The following CIT variants were observed in gnomAD, a reference collection of about 807,000 sequenced individuals.
CIT encodes citron rho-interacting serine/threonine kinase.
CIT carries 79 observed loss-of-function variants against 272.7 expected under a neutral mutation model. That is an observed-to-expected ratio of 0.29 (90% CI 0.24 to 0.35). CIT has a LOEUF of 0.35. Ranked by LOEUF, CIT falls within the 10% of genes least tolerant of loss-of-function variation. The pLI, the probability that CIT is intolerant of heterozygous loss-of-function variation, is 1.00. For synonymous variants in CIT, 948 were observed against 995.6 expected (o/e 0.95, Z 0.90); for missense variants, 1,909 against 2,618.3 (o/e 0.73, Z 5.91).
In CIT at chr12:119,710,410, C is replaced by A. The variant is rs1593428704; in HGVS notation, c.4936-24G>T. On this transcript the variant is annotated intron_variant, in intron 38 of 47. Transcript: ENST00000392521. The surrounding 1 kb of genome is among the most constrained non-coding windows in gnomAD (Gnocchi z 5.6). ...ACCTGCAAGGGCAGAAGTCCGAAGG[C>A]AGAACATAAGCACGGTCACGTCACC... is the stretch of plus-strand genomic sequence containing the variant. 6.2e-7 allele frequency: 1 copy of A among 1,613,914 alleles called. No individual in the cohort carries two copies. The highest frequency in any genetic ancestry group is 2.2e-5 in the East Asian group (1 of 44,878).
Position 119,726,385 on chromosome 12 carries a change from ATTTTTTTT to A in CIT, c.3591+2109_3591+2116del, listed in dbSNP as rs3999547. Reference sequence around the variant, plus strand: ...AACTGCACACCACCACACTTGGCTAATTTTTTTTTTTTTTTTTTTTTTTTTTTGTAGAG... The same window carrying A: ...AACTGCACACCACCACACTTGGCTAATTTTTTTTTTTTTTTTTTTGTAGAG... On this transcript the variant is annotated intron_variant, in intron 28 of 47. Transcript: ENST00000392521. 2.5e-3 allele frequency among the ~76,000 whole-genome samples: 256 copies of A among 101,442 alleles called. 3 individuals are homozygous for A. Among genetic ancestry groups the A allele is most frequent in the African/African-American group, 0.01 (243 of 23,874 alleles). 66.5% of individuals were successfully genotyped at this position (101,442 alleles called of 152,430 possible).
chr12:119,782,224 TG>T (rs1964361736), intron 13 of CIT: 1 of 213,322 alleles, frequency 4.7e-6, no homozygotes, highest in Non-Finnish European at 9.2e-6. Flanking sequence ...GGACCAGCTT[TG>T]CCCCACAGGC....
intron 46 of CIT, among the ~76,000 whole-genome samples, chr12:119,691,810 C>T (rs1159995919): frequency 2.0e-5 from 3 of 152,148 alleles, no homozygotes; most frequent in Non-Finnish European, 1.5e-5. Flanking sequence ...CTTTCCCACC[C>T]TTGATCAGCT....
chr12:119,767,082 T>G lies in CIT; in HGVS notation c.2304+5A>C. The G allele has an allele frequency of 6.2e-7, 1 of 1,606,064 alleles. No individual in the cohort carries two copies. The highest frequency in any genetic ancestry group is 8.5e-7 in the Non-Finnish European group (1 of 1,175,630). On this transcript the variant is annotated splice_donor_5th_base_variant and intron_variant, in intron 19 of 47. Coordinates refer to ENST00000392521, the MANE Select transcript of CIT (RefSeq NM_001206999.2). Reference sequence around the variant, plus strand: ...AGGCCAGGGAAGATCAGAAAATGTCTTTACTTTAATCTTTTCCTCATAGTG... The same window carrying G: ...AGGCCAGGGAAGATCAGAAAATGTCGTTACTTTAATCTTTTCCTCATAGTG...
chr12:119,858,065 T>C (rs1950223093), intron 3 of CIT, among the ~76,000 whole-genome samples: 1 of 152,218 alleles, frequency 6.6e-6, no homozygotes, highest in South Asian at 2.1e-4. Flanking sequence ...CAGTGTGACA[T>C]AGTCAACATG....
intron 12 of CIT, 115 bp downstream of exon 12, chr12:119,783,793 C>T (rs1186659341): frequency 1.5e-6 from 2 of 1,321,608 alleles, no homozygotes; most frequent in Non-Finnish European, 2.1e-6. Flanking sequence ...CTCTCCCTCT[C>T]TCTACTCTCT....
In CIT at chr12:119,712,343, G is replaced by C; in HGVS notation, c.4689C>G (p.Val1563=). The C allele has an allele frequency of 6.2e-7, 1 of 1,610,200 alleles. No homozygotes were observed. The highest frequency in any genetic ancestry group is 1.1e-5 in the South Asian group (1 of 90,512). The change falls in exon 37 of 48, where the codon GTC becomes GTG. Residue 1563 remains valine (V), a synonymous_variant. Coordinates refer to ENST00000392521, the MANE Select transcript of CIT (RefSeq NM_001206999.2). The surrounding 1 kb of genome is among the most constrained non-coding windows in gnomAD (Gnocchi z 5.2). ...GAGATTCCATCTTCAGTATGTATGG[G>C]ACATCTAGGAGATTTCAGAGAGCAC... ...SELANTAKAD[V]PYILKMESHP... is the part of the protein sequence containing the mutation.
chr12:119,808,457 C>G (rs1397975948), intron 9 of CIT, among the ~76,000 whole-genome samples: 1 of 151,962 alleles, frequency 6.6e-6, no homozygotes, highest in African/African-American at 2.4e-5. Flanking sequence ...ACGCAACATA[C>G]CACTTCAGGA....
Position 119,734,360 on chromosome 12 carries a change from G to A in CIT, c.3157-3C>T. 6.2e-7 allele frequency: 1 copy of A among 1,611,936 alleles called. No homozygotes were observed. The highest frequency in any genetic ancestry group is 8.5e-7 in the Non-Finnish European group (1 of 1,179,720). ...GTGGTCTTCAGAGCCTCCATCGTCTGCAAATCAGTAGCACTGATTTGTGCC... is the reference window on the plus strand; with the variant it reads ...GTGGTCTTCAGAGCCTCCATCGTCTACAAATCAGTAGCACTGATTTGTGCC... On this transcript the variant is annotated splice_region_variant and splice_polypyrimidine_tract_variant and intron_variant, in intron 25 of 47. Transcript: ENST00000392521.
At chr12:119,859,546 G>A (rs1423944417) in intron 3 of CIT, among the ~76,000 whole-genome samples, 3 of 152,086 alleles carry the variant, frequency 2.0e-5, no homozygotes, top group Non-Finnish European at 4.4e-5. Flanking sequence ...GCTGGGCGCA[G>A]TAGCTCACGC....
At chr12:119,827,947 C>G (rs115882177) in intron 7 of CIT, among the ~76,000 whole-genome samples, 197 of 152,292 alleles carry the variant, frequency 1.3e-3, no homozygotes, top group African/African-American at 4.5e-3. Context: ...CAGGAATATT[C>G]AGTTCTCCTT....
chr12:119,833,931 A>C (rs1306958617), intron 6 of CIT, among the ~76,000 whole-genome samples, 155 bp downstream of exon 6: 2 of 152,176 alleles, frequency 1.3e-5, no homozygotes, highest in Non-Finnish European at 2.9e-5. Flanking sequence ...CCATCTTGGA[A>C]AGTTTGCTTT....
chr12:119,723,792 G>A (rs139781535), intron 28 of CIT, among the ~76,000 whole-genome samples: 8 of 152,328 alleles, frequency 5.3e-5, no homozygotes, highest in Admixed American at 2.6e-4. Flanking sequence ...TGATTTAACA[G>A]ACCAGTGGTG....
intron 4 of CIT, among the ~76,000 whole-genome samples, chr12:119,856,580 T>C (rs900040254): frequency 1.3e-5 from 2 of 151,956 alleles, no homozygotes; most frequent in Non-Finnish European, 2.9e-5. Flanking sequence ...TGCATAGCAT[T>C]CTAGTACTCC....
In CIT at chr12:119,869,147, T is replaced by C. The variant is rs200422628; in HGVS notation, c.151A>G (p.Ile51Val). 2 of 1,613,052 alleles carry C rather than the reference T, an allele frequency of 1.2e-6. No individual in the cohort carries two copies. Among genetic ancestry groups the C allele is most frequent in the East Asian group, 2.2e-5 (1 of 44,832 alleles). Residue 51 changes from isoleucine to valine, a missense_variant, in exon 3 of 48, where the codon ATA (isoleucine) becomes GTA (valine). This residue lies in a region of CIT where 529 missense variants were observed against 549.6 expected (regional missense o/e 0.96). Coordinates refer to ENST00000392521, the MANE Select transcript of CIT (RefSeq NM_001206999.2). ...AAGAGAACAAAGAGGGCATCTAATA[T>C]CCCTTCTCGGGAAAGAGGAGACATC... Reference protein sequence around the residue: ...QQMSPLSREGILDALFVLFEE... With the variant: ...QQMSPLSREGVLDALFVLFEE...
chr12:119,707,488 G>A (rs1956941611), intron 40 of CIT, among the ~76,000 whole-genome samples: 1 of 151,986 alleles, frequency 6.6e-6, no homozygotes, highest in Admixed American at 6.6e-5. Flanking sequence ...TGATAAAAAA[G>A]AGACTCGACG....
In CIT at chr12:119,718,287, C is replaced by T; in HGVS notation, c.4126G>A (p.Ala1376Thr). The T allele has an allele frequency of 6.2e-7, 1 of 1,613,822 alleles. No homozygotes were observed. Among genetic ancestry groups the T allele is most frequent in the Non-Finnish European group, 8.5e-7 (1 of 1,179,846 alleles). Reference sequence around the variant, plus strand: ...TCCTTTCTGCGGCTGGATGGCGGGGCCAGCAGGCTCATGGCACTGGGCTGG... The same window carrying T: ...TCCTTTCTGCGGCTGGATGGCGGGGTCAGCAGGCTCATGGCACTGGGCTGG... ...EHQPSAMSLL[A>T]PPSSRRKESS... The change falls in exon 32 of 48, where the codon GCC becomes ACC. Residue 1376 changes from alanine (A) to threonine (T), a missense_variant. Coordinates refer to ENST00000392521, the MANE Select transcript of CIT (RefSeq NM_001206999.2). This position sits in a 1 kb window ranked among gnomAD's most constrained non-coding sequence, Gnocchi z 4.8.
At chr12:119,736,235 C>T (rs532641177) in intron 24 of CIT, among the ~76,000 whole-genome samples, 1 of 151,944 alleles carries the variant, frequency 6.6e-6, no homozygotes, top group South Asian at 2.1e-4. Context: ...TTAAATTTTA[C>T]GTAACAAAAA....
chr12:119,826,251 T>C (rs573816712), intron 7 of CIT, among the ~76,000 whole-genome samples: 8 of 152,244 alleles, frequency 5.3e-5, no homozygotes, highest in Admixed American at 2.0e-4. Context: ...TCCTCACCCC[T>C]AACCCTTGTT....
Sources: allele counts gnomAD v4.1 joint callset (sites outside exome capture counted in the v4.1 genomes callset), GRCh38; gene constraint gnomAD v4.1.1; regional missense constraint gnomAD v4.1.1; non-coding constraint Gnocchi (gnomAD v3.1); transcripts MANE v1.5; gene names NCBI Gene and HGNC (gene_info 2026-07-23, HGNC 2026-07-21).